Variants in ATP10A observed in about 807,000 individuals in gnomAD.
ATP10A encodes the protein phospholipid-transporting ATPase VA.
A neutral mutation model predicts 147.8 loss-of-function variants in ATP10A; 111 were observed. That is an observed-to-expected ratio of 0.75 (90% CI 0.64 to 0.88). The LOEUF is 0.88. ATP10A is among the 40% of genes least tolerant of loss of function. The pLI, the probability that ATP10A is intolerant of heterozygous loss-of-function variation, is 0.00. For missense variants in ATP10A, 1,927 were observed against 1,959.0 expected, an observed-to-expected ratio of 0.98 and a Z score of 0.31; for synonymous variants, 875 against 841.6, an observed-to-expected ratio of 1.04 and a Z score of -0.69.
intron 13 of ATP10A, among the ~76,000 whole-genome samples, chr15:25,697,570 A>T (rs1900409279): frequency 6.6e-6 from 1 of 152,234 alleles, no homozygotes. Flanking sequence ...GAACAGAGAG[A>T]CAGACAGTCT....
intron 1 of ATP10A, among the ~76,000 whole-genome samples, chr15:25,833,558 A>G (rs1892459850): frequency 1.3e-5 from 2 of 152,122 alleles, no homozygotes; most frequent in African/African-American, 4.8e-5. Flanking sequence ...TACAAAATGG[A>G]TCACAGTGGA....
rs529527538 is a variant in ATP10A, at chr15:25,784,620, G to T, written c.450-3397C>A. On this transcript the variant is annotated intron_variant, in intron 1 of 20. Transcript: ENST00000555815. ...GTTCCTCATGGGCTGCAGAAAGGAC[G>T]CTGGCTTCTAAGAAAAGGCCCTGGC... Among the ~76,000 whole-genome samples the T allele has an allele frequency of 1.5e-4, 23 of 152,218 alleles. No individual in the cohort carries two copies. In the South Asian group the frequency reaches 3.5e-3, roughly 23 times the overall value.
chr15:25,862,211 A>C (rs1041391648), intron 1 of ATP10A: 3 of 461,292 alleles, frequency 6.5e-6, no homozygotes, highest in Non-Finnish European at 4.3e-6. Context: ...AGCTGTTAGC[A>C]GACTGAGCTT....
chr15:25,848,759 T>C (rs1893146928), intron 1 of ATP10A: 1 of 153,754 alleles, frequency 6.5e-6, no homozygotes, highest in Non-Finnish European at 1.5e-5. Flanking sequence ...GGAATTAGAA[T>C]TGGCTGCAGT....
At chr15:25,821,243 C>T (rs973468347) in intron 1 of ATP10A, among the ~76,000 whole-genome samples, 5 of 151,864 alleles carry the variant, frequency 3.3e-5, no homozygotes, top group African/African-American at 1.2e-4. Flanking sequence ...AAAAAAGTTA[C>T]CTGGGTGTCA....
At chr15:25,856,540 G>C (rs540740835) in intron 1 of ATP10A, among the ~76,000 whole-genome samples, 1 of 152,246 alleles carries the variant, frequency 6.6e-6, no homozygotes, top group South Asian at 2.1e-4. Flanking sequence ...TACTATACAG[G>C]CTGGACCACT....
At chr15:25,798,095 G>A (rs1435403209) in intron 1 of ATP10A, among the ~76,000 whole-genome samples, 1 of 152,072 alleles carries the variant, frequency 6.6e-6, no homozygotes, top group Non-Finnish European at 1.5e-5. Context: ...GGGAGGCCCT[G>A]GGTTGCATTC....
In ATP10A at chr15:25,794,710, G is replaced by C. The variant is rs79385305; in HGVS notation, c.450-13487C>G. Among the ~76,000 whole-genome samples the C allele has an allele frequency of 2.8e-3, 425 of 152,306 alleles. 2 individuals carry two copies. Among genetic ancestry groups the C allele is most frequent in the African/African-American group, 9.6e-3 (401 of 41,566 alleles). On this transcript the variant is annotated intron_variant, in intron 1 of 20. Transcript: ENST00000555815. ...AACTGACTTTACCCGGTAATATTCCGAGAATGGATAACAAGGCTGAAACGC... is the reference window on the plus strand; with the variant it reads ...AACTGACTTTACCCGGTAATATTCCCAGAATGGATAACAAGGCTGAAACGC...
chr15:25,715,001 C>A (rs1225373981), intron 9 of ATP10A, among the ~76,000 whole-genome samples: 2 of 143,548 alleles, frequency 1.4e-5, no homozygotes, highest in Non-Finnish European at 3.0e-5. Flanking sequence ...CACACACACA[C>A]AATTGTTAAA....
At chr15:25,845,055 C>T (rs1042557328) in intron 1 of ATP10A, among the ~76,000 whole-genome samples, 1 of 152,208 alleles carries the variant, frequency 6.6e-6, no homozygotes, top group Non-Finnish European at 1.5e-5. Flanking sequence ...CAAATCCCCC[C>T]CAAACACCAG....
At chr15:25,676,663 A>C (rs1899142079), downstream of ATP10A, among the ~76,000 whole-genome samples, 1 of 152,026 alleles carries the variant, frequency 6.6e-6, no homozygotes, top group South Asian at 2.1e-4. Flanking sequence ...ATGTCCTGAG[A>C]AGGCCTTTTT....
intron 10 of ATP10A, chr15:25,710,939 C>T (rs1368529394): frequency 6.6e-6 from 1 of 152,224 alleles, no homozygotes; most frequent in Non-Finnish European, 1.5e-5. Context: ...AATGTAACAG[C>T]AGGCACTGAG....
chr15:25,863,287 T>C lies in ATP10A; in HGVS notation c.-191A>G. On this transcript the variant is annotated 5_prime_UTR_variant, in exon 1 of 21. Coordinates refer to ENST00000555815, the MANE Select transcript of ATP10A (RefSeq NM_024490.4). ...CCGCGCCCAGCCCCGTCCACTCCCG[T>C]CCAGCCCCGCCGCCCGGCCGCAGTC... 1 of 204,982 alleles carries C rather than the reference T, an allele frequency of 4.9e-6. No homozygotes were observed. Among genetic ancestry groups the C allele is most frequent in the Non-Finnish European group, 8.8e-6 (1 of 113,142 alleles). The allele number at this position is 204,982 out of a possible 1,614,324, so 12.7% of individuals were successfully genotyped here.
At chr15:25,727,039 A>G (rs944290528) in intron 4 of ATP10A, 121 bp downstream of exon 4, 8 of 668,446 alleles carry the variant, frequency 1.2e-5, no homozygotes, top group African/African-American at 1.1e-4. Context: ...CCTGGGCGAC[A>G]GTGCGAGACT....
rs114546364 is a variant in ATP10A, at chr15:25,680,288, C to T, written c.3699G>A (p.Thr1233=). Residue 1233 remains threonine (T), a synonymous_variant, in exon 20 of 21, where the codon ACG becomes ACA. Coordinates refer to ENST00000555815, the MANE Select transcript of ATP10A (RefSeq NM_024490.4). ...AAAACAAAAGGACACTGAAGCCACA[C>T]GTTATCCAGTTGAGCCAGGTCTGAG... ...TKTWTWLNWI[T]CGFSVLLFFT... 119 of 1,614,116 alleles carry T rather than the reference C, an allele frequency of 7.4e-5. No individual in the cohort carries two copies. The African/African-American group carries it at 1.1e-3, about 15-fold the overall frequency.
At chr15:25,850,380 G>A (rs1168674107) in intron 1 of ATP10A, among the ~76,000 whole-genome samples, 1 of 152,148 alleles carries the variant, frequency 6.6e-6, no homozygotes, top group Non-Finnish European at 1.5e-5. Context: ...CAGACAGCGT[G>A]GATGCGTTTT....
At chr15:25,729,647 T>C (rs949585362) in intron 3 of ATP10A, among the ~76,000 whole-genome samples, 2 of 152,056 alleles carry the variant, frequency 1.3e-5, no homozygotes, top group African/African-American at 4.8e-5. Flanking sequence ...AGGGGTGGCT[T>C]CTGTGGTTTT....
intron 10 of ATP10A, 184 bp from the exon 11 acceptor site, chr15:25,708,484 GTTTTA>G (rs1378714403): frequency 3.1e-5 from 11 of 351,564 alleles, no homozygotes; most frequent in Non-Finnish European, 4.1e-5. Flanking sequence ...ATGTTTGACT[GTTTTA>G]TTTTATTTTT....
intron 2 of ATP10A, among the ~76,000 whole-genome samples, chr15:25,763,021 T>G (rs1235787991): frequency 2.6e-5 from 4 of 152,204 alleles, no homozygotes; most frequent in South Asian, 2.1e-4. Context: ...AACTTTTGGT[T>G]TTTTGAAAGA....
Sources: allele counts gnomAD v4.1 joint callset (sites outside exome capture counted in the v4.1 genomes callset), GRCh38; gene constraint gnomAD v4.1.1; transcripts MANE v1.5; gene names NCBI Gene and HGNC (gene_info 2026-07-23, HGNC 2026-07-21).